The following KHDC4 variants were observed in gnomAD, a reference collection of about 807,000 sequenced individuals.
The protein encoded by KHDC4 is KH homology domain-containing protein 4.
In KHDC4, 19 loss-of-function variants were observed where a neutral mutation model predicts 74.5. That is an observed-to-expected ratio of 0.26 (90% CI 0.18 to 0.37). The LOEUF is 0.37. KHDC4 is among the 10% of genes least tolerant of loss of function. KHDC4 has a pLI of 1.00. For missense variants in KHDC4, 632 were observed against 754.1 expected (o/e 0.84, Z 1.90); for synonymous variants, 253 against 266.1 (o/e 0.95, Z 0.48).
intron 8 of KHDC4, chr1:155,922,145 CTTTTTT>C (rs4020748): frequency 4.9e-3 from 906 of 186,378 alleles, no homozygotes; most frequent in Middle Eastern, 9.4e-3. Context: ...CACTGCAAAT[CTTTTTT>C]TTTTTTTTTT....
chr1:155,922,103 C>T, intron 8 of KHDC4, 185 bp from the exon 9 acceptor site: 2 of 427,338 alleles, frequency 4.7e-6, no homozygotes, highest in Non-Finnish European at 8.6e-6. Context: ...GCTCTGTCAC[C>T]CAGGCTGGAG....
intron 5 of KHDC4, 53 bp downstream of exon 5, chr1:155,927,051 C>T: frequency 6.6e-7 from 1 of 1,522,710 alleles, no homozygotes; most frequent in Non-Finnish European, 9.1e-7. Flanking sequence ...TATACAGAGC[C>T]CTGTACTTTG....
At chr1:155,914,602 G>A in intron 13 of KHDC4, 1 of 363,078 alleles carries the variant, frequency 2.8e-6, no homozygotes, top group East Asian at 5.0e-5. Flanking sequence ...TAGCAAGTGA[G>A]TCTCTTGAGG....
intron 6 of KHDC4, 124 bp from the exon 7 acceptor site, chr1:155,925,967 G>T: frequency 1.2e-6 from 1 of 863,526 alleles, no homozygotes; most frequent in Non-Finnish European, 2.0e-6. Context: ...AGAGTGTTGG[G>T]TAGTACAGTC....
chr1:155,926,947 T>A, intron 5 of KHDC4, 108 bp from the exon 6 acceptor site: 1 of 1,374,550 alleles, frequency 7.3e-7, no homozygotes. Flanking sequence ...TACCCAAATA[T>A]GTGGCTCTCC....
chr1:155,918,664 G>A (rs540606389), intron 10 of KHDC4, among the ~76,000 whole-genome samples: 97 of 151,850 alleles, frequency 6.4e-4, no homozygotes, highest in African/African-American at 2.2e-3. Context: ...AAGTATTTGT[G>A]TATCTAAATG....
At chr1:155,928,413 T>A (rs1459534453) in intron 4 of KHDC4, among the ~76,000 whole-genome samples, 1 of 151,920 alleles carries the variant, frequency 6.6e-6, no homozygotes, top group African/African-American at 2.4e-5. Flanking sequence ...TGGCTTGGGG[T>A]AGGAATTAAA....
In KHDC4 at chr1:155,923,624, C is replaced by T. The variant is rs1673917544; in HGVS notation, c.954+3G>A. ...GAATGAGTATCAGACAAATACAACT[C>T]ACTGTTTGCAAAAGATTCTCACAAA... is the stretch of plus-strand genomic sequence containing the variant. On this transcript the variant is annotated splice_donor_region_variant and intron_variant, in intron 8 of 13. Coordinates refer to ENST00000368321, the MANE Select transcript of KHDC4 (RefSeq NM_014949.4). 1 of 1,611,100 alleles carries T rather than the reference C, an allele frequency of 6.2e-7. No individual in the cohort carries two copies. The highest frequency in any genetic ancestry group is 8.5e-7 in the Non-Finnish European group (1 of 1,177,388).
intron 13 of KHDC4, chr1:155,914,968 C>T (rs1459093662): frequency 1.3e-5 from 2 of 152,106 alleles, no homozygotes; most frequent in African/African-American, 2.4e-5. Context: ...TAAAATAAGT[C>T]GACTAACTCT....
Position 155,933,640 on chromosome 1 carries a change from G to A in KHDC4, c.248C>T (p.Ser83Phe), listed in dbSNP as rs769407508. The change falls in exon 2 of 14, where the codon TCT becomes TTT. Residue 83 changes from serine (S) to phenylalanine (F), a missense_variant. Ser to Phe is a radical substitution (Grantham distance 155, BLOSUM62 -2). This residue lies in a region of KHDC4 where 233 missense variants were observed against 342.6 expected (regional missense o/e 0.68). Transcript: ENST00000368321. ...CCCTTCAACTTCAAATACCTTCTCA[G>A]AAGCATTCTGAGTTGGTTTCAGCTT... ...KGKLKPTQNA[S>F]EKLQAPGKGL... is the part of the protein sequence containing the mutation. 1.2e-5 allele frequency: 19 copies of A among 1,603,478 alleles called. No individual in the cohort carries two copies. In the South Asian group the frequency reaches 1.5e-4, roughly 13 times the overall value.
At position 155,933,737 on chromosome 1, in the gene KHDC4, C is replaced by T. The variant is rs1308490767; in HGVS notation, c.151G>A (p.Ala51Thr). Residue 51 changes from alanine to threonine, a missense_variant, in exon 2 of 14, where the codon GCT becomes ACT. Ala to Thr is a moderately conservative substitution (Grantham distance 58). Transcript: ENST00000368321. The part of the protein sequence containing the change: ...SGGSPGGTTA[A>T]PSGALDAAAA... ...GCAGCATCCAAGGCTCCTGAAGGAG[C>T]AGCTGTGGTGCCCCCAGGACTTCCC... is the stretch of plus-strand genomic sequence containing the variant. 17 of 1,608,848 alleles carry T rather than the reference C, an allele frequency of 1.1e-5. No homozygotes were observed. The highest frequency in any genetic ancestry group is 1.4e-5 in the Non-Finnish European group (17 of 1,176,966).
rs74116459 is a variant in KHDC4, at chr1:155,927,003, G to C, written c.517+101C>G. ...AAATTCGTGTATAGTTCATGAACAA[G>C]GGTTAGAACAGCCATCAGGGACACT... is the stretch of plus-strand genomic sequence containing the variant. On this transcript the variant is annotated intron_variant, in intron 5 of 13. Coordinates refer to ENST00000368321, the MANE Select transcript of KHDC4 (RefSeq NM_014949.4). 2.3e-3 allele frequency: 3,080 copies of C among 1,335,820 alleles called. 54 individuals carry two copies. The African/African-American group carries it at 0.038, about 17-fold the overall frequency. 82.7% of individuals were successfully genotyped at this position (1,335,820 alleles called of 1,614,324 possible). A position where few individuals can be genotyped will look rare whatever the true frequency, so the allele number is the denominator to read the frequency against.
At chr1:155,933,564 G>T in intron 2 of KHDC4, 69 bp downstream of exon 2, 1 of 1,306,362 alleles carries the variant, frequency 7.7e-7, no homozygotes, top group South Asian at 1.4e-5. Flanking sequence ...GATTACAGGC[G>T]TAAGCCACCG....
intron 6 of KHDC4, chr1:155,926,327 T>G (rs375719020): frequency 0.013 from 2,846 of 223,914 alleles, 92 homozygotes; most frequent in African/African-American, 0.074. Context: ...ACTTGGCACT[T>G]TTTTTTTTTT....
chr1:155,918,982 T>TG (rs1018449789), intron 10 of KHDC4, among the ~76,000 whole-genome samples: 4 of 150,316 alleles, frequency 2.7e-5, no homozygotes, highest in Admixed American at 6.7e-5. Flanking sequence ...TTTTTTTTTT[T>TG]TTTTTTTTTT....
rs1673680672 is a variant in KHDC4, at chr1:155,914,064, T to C, written c.*57A>G. ...GGCCCCAGAGTCTTGTTAAATCAAA[T>C]GCATGCATTATTGCTAAGAAGAGTC... is the stretch of plus-strand genomic sequence containing the variant. On this transcript the variant is annotated 3_prime_UTR_variant, in exon 14 of 14. Coordinates refer to ENST00000368321, the MANE Select transcript of KHDC4 (RefSeq NM_014949.4). 3 of 1,410,920 alleles carry C rather than the reference T, an allele frequency of 2.1e-6. No individual in the cohort carries two copies. Among genetic ancestry groups the C allele is most frequent in the Non-Finnish European group, 3.0e-6 (3 of 995,352 alleles). The allele number at this position is 1,410,920 out of a possible 1,614,324, so 87.4% of individuals were successfully genotyped here. A position where few individuals can be genotyped will look rare whatever the true frequency, so the allele number is the denominator to read the frequency against.
chr1:155,924,420 G>A (rs1421670669), intron 7 of KHDC4, among the ~76,000 whole-genome samples: 1 of 151,798 alleles, frequency 6.6e-6, no homozygotes, highest in African/African-American at 2.4e-5. Context: ...CACTGTATTA[G>A]CCAGGATGGT....
chr1:155,918,888 G>A (rs895527707), intron 10 of KHDC4, among the ~76,000 whole-genome samples: 2 of 150,760 alleles, frequency 1.3e-5, no homozygotes, highest in Non-Finnish European at 2.9e-5. Flanking sequence ...CCAAACCCTA[G>A]ACAGGGCAAG....
At chr1:155,934,050 T>C (rs2102612469) in intron 1 of KHDC4, among the ~76,000 whole-genome samples, 1 of 152,218 alleles carries the variant, frequency 6.6e-6, no homozygotes, top group Non-Finnish European at 1.5e-5. Context: ...CCCCAAAATC[T>C]TTCGTTTCTA....
Sources: allele counts gnomAD v4.1 joint callset (sites outside exome capture counted in the v4.1 genomes callset), GRCh38; gene constraint gnomAD v4.1.1; regional missense constraint gnomAD v4.1.1; transcripts MANE v1.5; gene names NCBI Gene and HGNC (gene_info 2026-07-23, HGNC 2026-07-21).